CNTNAP5: variants seen among roughly 807,000 people sequenced by gnomAD.
The protein encoded by CNTNAP5 is contactin-associated protein-like 5.
Under a neutral mutation model 150.2 loss-of-function variants are expected in CNTNAP5, and 72 were observed. The observed-to-expected ratio is 0.48, with a 90% CI of 0.40 to 0.58. The LOEUF is 0.58. Ranked by LOEUF, CNTNAP5 falls within the 20% of genes least tolerant of loss-of-function variation. CNTNAP5 has a pLI of 0.00. For synonymous variants in CNTNAP5, 672 were observed against 619.8 expected (o/e 1.08, Z -1.25); for missense variants, 1,636 against 1,626.2 (o/e 1.01, Z -0.10).
intron 11 of CNTNAP5, among the ~76,000 whole-genome samples, chr2:124,601,315 G>A (rs1359345889): frequency 1.3e-5 from 2 of 152,146 alleles, no homozygotes; most frequent in Non-Finnish European, 2.9e-5. Context: ...TCTAACAAGA[G>A]CAAGAGAAAG....
intron 21 of CNTNAP5, among the ~76,000 whole-genome samples, chr2:124,872,503 A>AT (rs574385022): frequency 0.018 from 2,554 of 144,320 alleles, 63 homozygotes; most frequent in African/African-American, 0.055. Context: ...TCAAAATAAG[A>AT]TTTTTTTTTT....
In CNTNAP5 at chr2:124,489,970, C is replaced by G. The variant is rs569487472; in HGVS notation, c.1063-14322C>G. On this transcript the variant is annotated intron_variant, in intron 7 of 23. Coordinates refer to ENST00000682447, the MANE Select transcript of CNTNAP5 (RefSeq NM_001367498.1). ...TGCAAGGGAAGTGGGGAAATGTAGT[C>G]ATCCAGTTGAGCACATTCTTGCCTC... 2.6e-5 allele frequency among the ~76,000 whole-genome samples: 4 copies of G among 152,222 alleles called. No homozygotes were observed. The South Asian group carries it at 8.3e-4, about 32-fold the overall frequency.
At chr2:124,688,300 G>T (rs1679233764) in intron 13 of CNTNAP5, among the ~76,000 whole-genome samples, 1 of 152,024 alleles carries the variant, frequency 6.6e-6, no homozygotes, top group South Asian at 2.1e-4. Context: ...AATCCTGAGG[G>T]CATATGGGGA....
At position 124,783,520 on chromosome 2, in the gene CNTNAP5, A is replaced by T. The variant is rs186797584; in HGVS notation, c.2753-6382A>T. Among the ~76,000 whole-genome samples the T allele has an allele frequency of 9.0e-4, 137 of 152,316 alleles. 2 individuals carry two copies. The East Asian group carries it at 0.023, about 25-fold the overall frequency. On this transcript the variant is annotated intron_variant, in intron 17 of 23. Coordinates refer to ENST00000682447, the MANE Select transcript of CNTNAP5 (RefSeq NM_001367498.1). ...AAGTGCAATAAAGCCAGTAATAACAATGCTTTAATGGCTCTTGATATGGAT... is the reference window on the plus strand; with the variant it reads ...AAGTGCAATAAAGCCAGTAATAACATTGCTTTAATGGCTCTTGATATGGAT...
chr2:124,556,201 A>G (rs904184322), intron 10 of CNTNAP5, among the ~76,000 whole-genome samples: 2 of 152,146 alleles, frequency 1.3e-5, no homozygotes, highest in African/African-American at 2.4e-5. Flanking sequence ...GACAGGTAGT[A>G]TGCTTCACCT....
At chr2:124,201,994 C>T (rs1685739669) in intron 1 of CNTNAP5, among the ~76,000 whole-genome samples, 2 of 152,032 alleles carry the variant, frequency 1.3e-5, no homozygotes, top group African/African-American at 4.8e-5. Context: ...TAATCAAAAT[C>T]TGAGTCATAT....
intron 1 of CNTNAP5, among the ~76,000 whole-genome samples, chr2:124,050,985 C>A (rs1681681029): frequency 6.6e-6 from 1 of 152,102 alleles, no homozygotes; most frequent in South Asian, 2.1e-4. Context: ...TTTTCCTGGA[C>A]TGTAGCATGT....
intron 11 of CNTNAP5, among the ~76,000 whole-genome samples, chr2:124,599,051 C>T (rs969939190): frequency 2.0e-5 from 3 of 152,114 alleles, no homozygotes; most frequent in African/African-American, 4.8e-5. Context: ...TCTGGCACTC[C>T]CTAGTGAGAT....
chr2:124,285,975 G>A (rs567809610), intron 3 of CNTNAP5, among the ~76,000 whole-genome samples: 1 of 152,142 alleles, frequency 6.6e-6, no homozygotes, highest in African/African-American at 2.4e-5. Context: ...CTTTTATTCA[G>A]GTGATAAAAT....
In CNTNAP5 at chr2:124,919,246, A is replaced by T. The variant is rs932611645; in HGVS notation, c.*4958A>T. ...AGAAGCATTCCTCTTTTATGTTGAC[A>T]ATTATTTGAATCCTTCATATAAGGT... On this transcript the variant is annotated 3_prime_UTR_variant, in exon 24 of 24. Coordinates refer to ENST00000682447, the MANE Select transcript of CNTNAP5 (RefSeq NM_001367498.1). Among the ~76,000 whole-genome samples, 21 of 152,092 alleles carry T rather than the reference A, an allele frequency of 1.4e-4. No homozygotes were observed. The highest frequency in any genetic ancestry group is 5.1e-4 in the African/African-American group (21 of 41,432).
chr2:124,174,515 T>C (rs975838201), intron 1 of CNTNAP5, among the ~76,000 whole-genome samples: 3 of 152,158 alleles, frequency 2.0e-5, no homozygotes, highest in Non-Finnish European at 2.9e-5. Flanking sequence ...AAAGTAACTA[T>C]AGATGTGGTG....
intron 3 of CNTNAP5, among the ~76,000 whole-genome samples, chr2:124,396,720 T>C (rs1255405594): frequency 6.6e-6 from 1 of 152,222 alleles, no homozygotes; most frequent in African/African-American, 2.4e-5. Context: ...AATTTCTTAG[T>C]TGAGTAAATT....
chr2:124,172,779 CTG>C (rs59743272), intron 1 of CNTNAP5, among the ~76,000 whole-genome samples: 12,449 of 149,212 alleles, frequency 0.083, 684 homozygotes, highest in Non-Finnish European at 0.13. Flanking sequence ...CTCTCTCTCT[CTG>C]TGTGTGTGTG....
At chr2:124,117,077 A>G (rs1683445781) in intron 1 of CNTNAP5, among the ~76,000 whole-genome samples, 1 of 152,174 alleles carries the variant, frequency 6.6e-6, no homozygotes, top group Non-Finnish European at 1.5e-5. Context: ...AGTAGCACAC[A>G]CTGATATTGT....
At chr2:124,072,549 A>G (rs1041389310) in intron 1 of CNTNAP5, among the ~76,000 whole-genome samples, 13 of 152,068 alleles carry the variant, frequency 8.5e-5, no homozygotes, top group Non-Finnish European at 1.5e-4. Flanking sequence ...CAAAATCAAC[A>G]TACAAAAATC....
intron 1 of CNTNAP5, among the ~76,000 whole-genome samples, chr2:124,169,955 A>C (rs1056037524): frequency 6.6e-6 from 1 of 152,136 alleles, no homozygotes; most frequent in African/African-American, 2.4e-5. Flanking sequence ...CCTTCTCTTC[A>C]TGTGGGAAAA....
chr2:124,299,341 A>T (rs181959880), intron 3 of CNTNAP5, among the ~76,000 whole-genome samples: 1 of 151,350 alleles, frequency 6.6e-6, no homozygotes, highest in East Asian at 1.9e-4. Flanking sequence ...CCCTCCTCCC[A>T]CCCTCCACCC....
intron 3 of CNTNAP5, among the ~76,000 whole-genome samples, chr2:124,361,812 C>T (rs1309855410): frequency 1.3e-5 from 2 of 152,158 alleles, no homozygotes; most frequent in Non-Finnish European, 2.9e-5. Flanking sequence ...GCAGGCAGGC[C>T]TCCTTGAGCT....
At position 124,037,120 on chromosome 2, in the gene CNTNAP5, T is replaced by G. The variant is rs141347224; in HGVS notation, c.82+11388T>G. On this transcript the variant is annotated intron_variant, in intron 1 of 23. Transcript: ENST00000682447. ...TTCCCCATATCTAGAAGTCACTATGTCAACCAGTTCCTGTAGGTTAGCTGT... is the reference window on the plus strand; with the variant it reads ...TTCCCCATATCTAGAAGTCACTATGGCAACCAGTTCCTGTAGGTTAGCTGT... 6.2e-3 allele frequency among the ~76,000 whole-genome samples: 941 copies of G among 152,322 alleles called. 12 individuals carry two copies. The highest frequency in any genetic ancestry group is 0.021 in the African/African-American group (866 of 41,568).
Sources: gnomAD v4.1 joint callset for allele counts (sites outside exome capture counted in the v4.1 genomes callset) on GRCh38, gnomAD v4.1.1 for gene constraint, MANE v1.5 for transcripts, NCBI Gene and HGNC (gene_info 2026-07-23, HGNC 2026-07-21) for gene names.